ST6GALNAC5: variants seen among roughly 807,000 people sequenced by gnomAD.
ST6GALNAC5 encodes alpha-N-acetylgalactosaminide alpha-2,6-sialyltransferase 5.
In ST6GALNAC5, 27 loss-of-function variants were observed where a neutral mutation model predicts 33.6. The ratio of observed to expected loss-of-function variants is 0.80; its 90% CI spans 0.59 to 1.11. The LOEUF (loss-of-function observed/expected upper bound fraction) is 1.11. Ranked by LOEUF, ST6GALNAC5 falls within the 50% of genes least tolerant of loss-of-function variation. The pLI is 0.00. For missense variants in ST6GALNAC5, 428 were observed against 454.0 expected, an observed-to-expected ratio of 0.94 and a Z score of 0.52; for synonymous variants, 194 against 171.2, an observed-to-expected ratio of 1.13 and a Z score of -1.04.
intron 2 of ST6GALNAC5, among the ~76,000 whole-genome samples, chr1:76,976,832 T>C (rs1042720572): frequency 3.9e-5 from 6 of 152,178 alleles, no homozygotes; most frequent in Admixed American, 1.3e-4. Flanking sequence ...TTTGGGATTT[T>C]TTTTTAAGAA....
At position 76,885,673 on chromosome 1, in the gene ST6GALNAC5, G is replaced by A. The variant is rs149442688; in HGVS notation, c.261+16931G>A. On this transcript the variant is annotated intron_variant, in intron 2 of 4. Transcript: ENST00000477717. ...ATTAGGAAATAGTCTTGATACTTAC[G>A]CTAAATTATCCATTTACTAATCCAG... is the stretch of plus-strand genomic sequence containing the variant. Among the ~76,000 whole-genome samples the A allele has an allele frequency of 5.3e-3, 811 of 152,212 alleles. 2 individuals carry two copies. The highest frequency in any genetic ancestry group is 0.041 in the South Asian group (197 of 4,816).
At chr1:76,896,512 C>T (rs866420486) in intron 2 of ST6GALNAC5, among the ~76,000 whole-genome samples, 2 of 151,892 alleles carry the variant, frequency 1.3e-5, no homozygotes, top group African/African-American at 4.8e-5. Context: ...TGGTGTGTGG[C>T]GATTAGGCCT....
chr1:77,004,127 A>T (rs956137647), intron 2 of ST6GALNAC5, among the ~76,000 whole-genome samples: 1 of 151,486 alleles, frequency 6.6e-6, no homozygotes, highest in Non-Finnish European at 1.5e-5. Flanking sequence ...TTTCAAGTAC[A>T]CCAATCAGAC....
intron 2 of ST6GALNAC5, among the ~76,000 whole-genome samples, chr1:77,036,227 A>T (rs574536366): frequency 2.0e-5 from 3 of 152,340 alleles, no homozygotes; most frequent in East Asian, 3.9e-4. Flanking sequence ...ATCTTTAGAG[A>T]TAAAAAGTAG....
chr1:77,056,845 A>G (rs959918304), intron 4 of ST6GALNAC5, among the ~76,000 whole-genome samples: 1 of 152,176 alleles, frequency 6.6e-6, no homozygotes, highest in African/African-American at 2.4e-5. Flanking sequence ...TAGACACACA[A>G]TGCTATTCCA....
chr1:76,992,474 G>A (rs1394272073), intron 2 of ST6GALNAC5, among the ~76,000 whole-genome samples: 2 of 147,864 alleles, frequency 1.4e-5, no homozygotes, highest in African/African-American at 5.0e-5. Context: ...TTTCTAAAGG[G>A]CAATTGTGGT....
intron 2 of ST6GALNAC5, among the ~76,000 whole-genome samples, chr1:77,009,410 C>G (rs1336827096): frequency 3.3e-5 from 5 of 152,078 alleles, no homozygotes; most frequent in Non-Finnish European, 4.4e-5. Context: ...TCACTATAAA[C>G]ATGGCACGCA....
At chr1:76,991,832 C>T (rs1451940934) in intron 2 of ST6GALNAC5, among the ~76,000 whole-genome samples, 1 of 124,240 alleles carries the variant, frequency 8.0e-6, no homozygotes, top group Non-Finnish European at 1.6e-5. Flanking sequence ...CTAACTCACG[C>T]GTGTGCGCAC....
chr1:76,975,621 C>T (rs1299112183), intron 2 of ST6GALNAC5, among the ~76,000 whole-genome samples: 3 of 152,112 alleles, frequency 2.0e-5, no homozygotes, highest in Non-Finnish European at 4.4e-5. Context: ...GTAGATAAAT[C>T]TTATAACTTT....
intron 2 of ST6GALNAC5, among the ~76,000 whole-genome samples, chr1:76,932,638 A>G (rs138706681): frequency 2.6e-4 from 39 of 152,156 alleles, no homozygotes; most frequent in Admixed American, 6.5e-4. Flanking sequence ...ATTAAAGGTG[A>G]AGAGATTTCG....
At chr1:76,987,528 T>C (rs558774933) in intron 2 of ST6GALNAC5, among the ~76,000 whole-genome samples, 1 of 152,292 alleles carries the variant, frequency 6.6e-6, no homozygotes, top group East Asian at 1.9e-4. Flanking sequence ...AAAAGCAGCC[T>C]GGCTGTTTCT....
intron 2 of ST6GALNAC5, among the ~76,000 whole-genome samples, chr1:77,011,574 A>G (rs1650636073): frequency 6.6e-6 from 1 of 152,048 alleles, no homozygotes; most frequent in Non-Finnish European, 1.5e-5. Context: ...GACTAATTGA[A>G]CTTGTTTTAT....
intron 2 of ST6GALNAC5, among the ~76,000 whole-genome samples, chr1:77,013,413 GCTTT>G (rs1650712732): frequency 6.6e-6 from 1 of 152,204 alleles, no homozygotes; most frequent in African/African-American, 2.4e-5. Flanking sequence ...GGGGCTAAAG[GCTTT>G]CTGAGTTTTG....
intron 2 of ST6GALNAC5, among the ~76,000 whole-genome samples, chr1:76,967,901 T>C (rs1434141015): frequency 6.6e-6 from 1 of 152,218 alleles, no homozygotes; most frequent in Non-Finnish European, 1.5e-5. Context: ...TTTGAGTGAA[T>C]TTCTTAATCC....
intron 2 of ST6GALNAC5, among the ~76,000 whole-genome samples, chr1:77,002,671 A>G (rs1269107524): frequency 1.3e-5 from 2 of 150,892 alleles, no homozygotes; most frequent in African/African-American, 4.9e-5. Flanking sequence ...AATGCGTCCC[A>G]GAGATTCTGG....
intron 2 of ST6GALNAC5, among the ~76,000 whole-genome samples, chr1:76,966,783 GT>G (rs1648508122): frequency 6.6e-6 from 1 of 152,190 alleles, no homozygotes; most frequent in South Asian, 2.1e-4. Flanking sequence ...TCAATACCTA[GT>G]TTATTGAGAG....
chr1:77,055,854 AGTGTAT>A (rs1652380864), intron 4 of ST6GALNAC5, among the ~76,000 whole-genome samples: 1 of 152,224 alleles, frequency 6.6e-6, no homozygotes. Context: ...TCTGGCATAG[AGTGTAT>A]CTTCAGTACA....
intron 2 of ST6GALNAC5, among the ~76,000 whole-genome samples, chr1:76,870,155 T>G (rs1304457644): frequency 1.3e-5 from 2 of 152,242 alleles, no homozygotes; most frequent in Admixed American, 6.5e-5. Context: ...ATTTTACAAT[T>G]ACAGCTTTTG....
At chr1:76,870,638 G>A (rs1653481959) in intron 2 of ST6GALNAC5, among the ~76,000 whole-genome samples, 1 of 152,106 alleles carries the variant, frequency 6.6e-6, no homozygotes, top group Non-Finnish European at 1.5e-5. Flanking sequence ...AATTTGGAGG[G>A]CGGGATGTTG....
Sources: gnomAD v4.1 joint callset for allele counts (sites outside exome capture counted in the v4.1 genomes callset) on GRCh38, gnomAD v4.1.1 for gene constraint, MANE v1.5 for transcripts, NCBI Gene and HGNC (gene_info 2026-07-23, HGNC 2026-07-21) for gene names.